Variants in MSRA observed in about 807,000 individuals in gnomAD.
MSRA encodes the protein mitochondrial peptide methionine sulfoxide reductase.
Under a neutral mutation model 31.3 loss-of-function variants are expected in MSRA, and 54 were observed. The ratio of observed to expected loss-of-function variants is 1.73; its 90% CI spans 1.39 to 2.17. The LOEUF (loss-of-function observed/expected upper bound fraction) is 2.17, where lower values mean the gene tolerates loss of function less well. Ranked by LOEUF, MSRA falls within the 30% of genes most tolerant of loss-of-function variation. The probability of loss-of-function intolerance (pLI) is 0.00; values close to 1 mark genes in which losing one functional copy is unlikely to be tolerated. For missense variants in MSRA, 507 were observed against 300.9 expected (o/e 1.69, Z -5.07); for synonymous variants, 169 against 116.5 (o/e 1.45, Z -2.90).
At chr8:10,390,522 TATGAC>T (rs973623766) in intron 5 of MSRA, among the ~76,000 whole-genome samples, 101 of 152,292 alleles carry the variant, frequency 6.6e-4, no homozygotes, top group African/African-American at 2.4e-3. Context: ...TGTGCACATT[TATGAC>T]AGGATAGGAA....
chr8:10,243,443 C>G (rs991212132), intron 2 of MSRA, among the ~76,000 whole-genome samples: 1 of 152,126 alleles, frequency 6.6e-6, no homozygotes, highest in Non-Finnish European at 1.5e-5. Flanking sequence ...TGCCGGAGAC[C>G]TGTGGATACT....
intron 1 of MSRA, among the ~76,000 whole-genome samples, chr8:10,155,817 G>T (rs913075633): frequency 1.3e-5 from 2 of 152,120 alleles, no homozygotes; most frequent in Non-Finnish European, 2.9e-5. Flanking sequence ...GGAAAGCTCT[G>T]CTTTATAGGA....
At chr8:10,284,506 T>A (rs1394434205) in intron 3 of MSRA, among the ~76,000 whole-genome samples, 2 of 152,204 alleles carry the variant, frequency 1.3e-5, no homozygotes, top group Non-Finnish European at 2.9e-5. Context: ...GAATGAATCA[T>A]TTTTTGAAAA....
intron 1 of MSRA, among the ~76,000 whole-genome samples, chr8:10,190,824 AT>A (rs972292914): frequency 6.6e-6 from 1 of 152,046 alleles, no homozygotes; most frequent in Non-Finnish European, 1.5e-5. Flanking sequence ...TTCAACTGGT[AT>A]TTTTTCCTCC....
rs10665004 is a variant in MSRA at position 10,113,292 on chromosome 8, C to CTTTTTTTTTTTTTTTT, written c.142+58641_142+58656dup. ...CATGGCTTTGGTGAAGACAGGTCTT[C>CTTTTTTTTTTTTTTTT]TTTTTTTTTTTTTTTTTTTTTTGGA... is the stretch of plus-strand genomic sequence containing the variant. On this transcript the variant is annotated intron_variant, in intron 1 of 5. Coordinates refer to ENST00000317173, the MANE Select transcript of MSRA (RefSeq NM_012331.5). Among the ~76,000 whole-genome samples the CTTTTTTTTTTTTTTTT allele has an allele frequency of 4.0e-3, 229 of 57,562 alleles. 34 individuals carry two copies. The highest frequency in any genetic ancestry group is 9.7e-3 in the African/African-American group (123 of 12,732). 37.8% of individuals were successfully genotyped at this position (57,562 alleles called of 152,430 possible).
At chr8:10,201,721 C>T (rs906045304) in intron 1 of MSRA, among the ~76,000 whole-genome samples, 9 of 152,188 alleles carry the variant, frequency 5.9e-5, no homozygotes, top group Non-Finnish European at 1.0e-4. Flanking sequence ...TTGAACATGT[C>T]CCCCCGATCC....
chr8:10,196,700 C>T (rs966790480), intron 1 of MSRA, among the ~76,000 whole-genome samples: 2 of 152,150 alleles, frequency 1.3e-5, no homozygotes, highest in African/African-American at 4.8e-5. Flanking sequence ...CAGGGATGCA[C>T]CACCATGCCC....
At chr8:10,190,621 C>T (rs1807428723) in intron 1 of MSRA, among the ~76,000 whole-genome samples, 1 of 152,158 alleles carries the variant, frequency 6.6e-6, no homozygotes, top group Non-Finnish European at 1.5e-5. Flanking sequence ...CCGTGTTTGC[C>T]AGAGAGAGTT....
intron 1 of MSRA, among the ~76,000 whole-genome samples, chr8:10,173,791 C>A (rs968167475): frequency 1.3e-5 from 2 of 152,236 alleles, no homozygotes; most frequent in Non-Finnish European, 2.9e-5. Context: ...TGTGCCTAGT[C>A]TGTCCCATCT....
At chr8:10,061,535 T>G (rs1164045959) in intron 1 of MSRA, among the ~76,000 whole-genome samples, 2 of 152,152 alleles carry the variant, frequency 1.3e-5, no homozygotes, top group East Asian at 1.9e-4. Context: ...ACTCGCACAA[T>G]CTGTCTCATC....
intron 5 of MSRA, among the ~76,000 whole-genome samples, chr8:10,393,124 G>T (rs1182845137): frequency 6.9e-6 from 1 of 145,082 alleles, no homozygotes; most frequent in Non-Finnish European, 1.5e-5. Context: ...TGCGAGAAAA[G>T]AACCACTTTG....
At chr8:10,081,710 A>G (rs1798303127) in intron 1 of MSRA, among the ~76,000 whole-genome samples, 1 of 152,020 alleles carries the variant, frequency 6.6e-6, no homozygotes, top group Non-Finnish European at 1.5e-5. Flanking sequence ...GACTGGTCTC[A>G]AACTCCTGAC....
intron 1 of MSRA, among the ~76,000 whole-genome samples, chr8:10,121,649 C>G (rs144478332): frequency 7.9e-5 from 12 of 151,954 alleles, no homozygotes; most frequent in African/African-American, 2.7e-4. Context: ...GCTATGTTTT[C>G]TTTCTTTCTT....
At chr8:10,244,053 C>T (rs2129081686) in intron 2 of MSRA, among the ~76,000 whole-genome samples, 1 of 152,228 alleles carries the variant, frequency 6.6e-6, no homozygotes, top group Admixed American at 6.5e-5. Context: ...TTTCAGTAAA[C>T]TTCTAATTTA....
chr8:10,068,535 G>A (rs959974996), intron 1 of MSRA, among the ~76,000 whole-genome samples: 20 of 152,216 alleles, frequency 1.3e-4, no homozygotes, highest in African/African-American at 4.8e-4. Context: ...TGGGTGTCCA[G>A]TTGGTCAAGC....
intron 5 of MSRA, among the ~76,000 whole-genome samples, chr8:10,368,935 C>G (rs1013930738): frequency 1.3e-5 from 2 of 152,160 alleles, no homozygotes; most frequent in Admixed American, 6.5e-5. Context: ...AAGAGCTTAG[C>G]AAGAAAATGA....
At chr8:10,217,969 CT>C (rs1186497153) in intron 2 of MSRA, among the ~76,000 whole-genome samples, 1 of 151,916 alleles carries the variant, frequency 6.6e-6, no homozygotes, top group Non-Finnish European at 1.5e-5. Flanking sequence ...ATAATTCAGC[CT>C]GTCCTATTTC....
intron 1 of MSRA, among the ~76,000 whole-genome samples, chr8:10,149,730 G>T (rs1345185719): frequency 1.3e-5 from 2 of 150,928 alleles, no homozygotes; most frequent in African/African-American, 4.9e-5. Context: ...TACATATAGT[G>T]GTTTCCATGA....
intron 1 of MSRA, among the ~76,000 whole-genome samples, chr8:10,122,267 G>C (rs961156361): frequency 6.6e-6 from 1 of 152,176 alleles, no homozygotes; most frequent in African/African-American, 2.4e-5. Flanking sequence ...AAAATGCTCA[G>C]TGCAAGAAGC....
Sources: allele counts gnomAD v4.1 joint callset (sites outside exome capture counted in the v4.1 genomes callset), GRCh38; gene constraint gnomAD v4.1.1; transcripts MANE v1.5; gene names NCBI Gene and HGNC (gene_info 2026-07-23, HGNC 2026-07-21).